Variants in PARN observed in about 807,000 individuals in gnomAD.
PARN encodes poly(A)-specific ribonuclease PARN.
A neutral mutation model predicts 102.8 loss-of-function variants in PARN; 71 were observed. The ratio of observed to expected loss-of-function variants is 0.69; its 90% CI spans 0.57 to 0.84. PARN has a LOEUF of 0.84. Among genes scored for constraint, PARN ranks in the 40% least tolerant of loss-of-function variants. The probability of loss-of-function intolerance (pLI) is 0.00; values close to 1 mark genes in which losing one functional copy is unlikely to be tolerated. For missense variants in PARN, 782 were observed against 760.9 expected (o/e 1.03, Z -0.33); for synonymous variants, 261 against 252.9 (o/e 1.03, Z -0.30).
chr16:14,514,053 G>T (rs1410108138), intron 21 of PARN, among the ~76,000 whole-genome samples: 1 of 152,138 alleles, frequency 6.6e-6, no homozygotes, highest in Non-Finnish European at 1.5e-5. Flanking sequence ...ATGAACCTCA[G>T]ATTCTAGTCA....
At chr16:14,525,693 A>C (rs1353100250) in intron 21 of PARN, among the ~76,000 whole-genome samples, 1 of 152,186 alleles carries the variant, frequency 6.6e-6, no homozygotes, top group Non-Finnish European at 1.5e-5. Context: ...AGTTCACTCA[A>C]CAGACCTAAA....
intron 15 of PARN, 31 bp from the exon 16 acceptor site, chr16:14,584,453 T>G (rs1969719451): frequency 4.5e-6 from 7 of 1,550,208 alleles, no homozygotes; most frequent in Non-Finnish European, 6.2e-6. Context: ...AATTATGAGA[T>G]TTCATCATCT....
intron 6 of PARN, among the ~76,000 whole-genome samples, chr16:14,613,482 G>A (rs1031509408): frequency 1.2e-4 from 19 of 152,034 alleles, no homozygotes; most frequent in African/African-American, 3.4e-4. Flanking sequence ...AATTTGCCAC[G>A]CGTGGTGCCA....
chr16:14,543,654 G>C (rs1322621530), intron 21 of PARN, among the ~76,000 whole-genome samples: 6 of 152,092 alleles, frequency 3.9e-5, no homozygotes, highest in Non-Finnish European at 1.5e-5. Context: ...ATTTAAATTT[G>C]TAAAGCAACC....
At chr16:14,544,749 G>C (rs899423440) in intron 21 of PARN, among the ~76,000 whole-genome samples, 1 of 152,024 alleles carries the variant, frequency 6.6e-6, no homozygotes, top group Admixed American at 6.6e-5. Context: ...TCATAAATAC[G>C]TATGCCCCTA....
intron 22 of PARN, among the ~76,000 whole-genome samples, chr16:14,481,742 G>T (rs1268254959): frequency 6.6e-6 from 1 of 152,050 alleles, no homozygotes; most frequent in African/African-American, 2.4e-5. Context: ...TTTTTCTCTT[G>T]TTAATTCACA....
At chr16:14,610,369 A>C (rs1971454117) in intron 7 of PARN, among the ~76,000 whole-genome samples, 1 of 151,578 alleles carries the variant, frequency 6.6e-6, no homozygotes, top group Non-Finnish European at 1.5e-5. Flanking sequence ...GCTACTCTGG[A>C]GGCTGAGGCA....
chr16:14,584,655 A>G, intron 15 of PARN, 94 bp downstream of exon 15: 3 of 900,290 alleles, frequency 3.3e-6, no homozygotes, highest in Non-Finnish European at 5.3e-6. Context: ...TGCATTAAAT[A>G]CCTCCAAACC....
intron 20 of PARN, among the ~76,000 whole-genome samples, chr16:14,553,365 T>C (rs1404019671): frequency 6.6e-6 from 1 of 152,156 alleles, no homozygotes; most frequent in East Asian, 1.9e-4. Context: ...ACAAGCACTT[T>C]AACTTCTTTT....
At chr16:14,591,264 G>A (rs559536839) in intron 13 of PARN, among the ~76,000 whole-genome samples, 174 of 151,830 alleles carry the variant, frequency 1.1e-3, no homozygotes, top group Admixed American at 1.7e-3. Flanking sequence ...GGTGGTGCAC[G>A]CCTGTAGTCC....
At chr16:14,591,791 A>G (rs1970212367) in intron 13 of PARN, 1 of 152,190 alleles carries the variant, frequency 6.6e-6, no homozygotes, top group African/African-American at 2.4e-5. Context: ...TAATCCCAGC[A>G]CTTTAGGAGG....
intron 14 of PARN, among the ~76,000 whole-genome samples, chr16:14,585,364 GTT>G (rs36030259): frequency 0.019 from 2,325 of 121,074 alleles, 24 homozygotes; most frequent in Middle Eastern, 0.035. Flanking sequence ...CTATTTCTCT[GTT>G]TTTTTTTTTT....
intron 12 of PARN, among the ~76,000 whole-genome samples, chr16:14,597,395 C>T (rs988457833): frequency 2.6e-5 from 4 of 152,124 alleles, no homozygotes; most frequent in Admixed American, 6.6e-5. Context: ...CTTAACCAAG[C>T]GATCAAGATC....
intron 7 of PARN, 96 bp downstream of exon 7, chr16:14,610,548 G>A (rs1971464148): frequency 4.1e-6 from 3 of 729,712 alleles, no homozygotes; most frequent in East Asian, 5.0e-5. Context: ...ACCCGTGTGT[G>A]TACTATGTTT....
chr16:14,610,991 T>G (rs1460298060), intron 6 of PARN, among the ~76,000 whole-genome samples, 182 bp from the exon 7 acceptor site: 3 of 152,236 alleles, frequency 2.0e-5, no homozygotes, highest in African/African-American at 4.8e-5. Flanking sequence ...TCATTCAGTC[T>G]TCTTTCAAGA....
chr16:14,611,107 T>C (rs1284077057), intron 6 of PARN, among the ~76,000 whole-genome samples: 1 of 152,222 alleles, frequency 6.6e-6, no homozygotes, highest in Admixed American at 6.5e-5. Context: ...GAACTACTTC[T>C]GACAAGAAAA....
intron 21 of PARN, among the ~76,000 whole-genome samples, chr16:14,542,570 A>C (rs963529466): frequency 6.6e-6 from 1 of 151,038 alleles, no homozygotes; most frequent in African/African-American, 2.4e-5. Flanking sequence ...AAAAAATTAA[A>C]AAAAAAAAGA....
intron 1 of PARN, 102 bp from the exon 2 acceptor site, chr16:14,629,776 G>T (rs1021902458): frequency 2.2e-6 from 2 of 899,386 alleles, no homozygotes; most frequent in Non-Finnish European, 3.7e-6. Context: ...GAGCCGGAAG[G>T]GGAAAAGTCC....
At chr16:14,441,753 G>C (rs1394776575) in intron 23 of PARN, among the ~76,000 whole-genome samples, 1 of 152,182 alleles carries the variant, frequency 6.6e-6, no homozygotes, top group Non-Finnish European at 1.5e-5. Flanking sequence ...TAATTAAAAG[G>C]CTCCTTGGGA....
Sources: gnomAD v4.1 joint callset for allele counts (sites outside exome capture counted in the v4.1 genomes callset) on GRCh38, gnomAD v4.1.1 for gene constraint, MANE v1.5 for transcripts, NCBI Gene and HGNC (gene_info 2026-07-23, HGNC 2026-07-21) for gene names.